Variants in DLG1 observed in about 807,000 individuals in gnomAD.
DLG1 encodes discs large MAGUK scaffold protein 1.
Under a neutral mutation model 123.4 loss-of-function variants are expected in DLG1, and 42 were observed. That is an observed-to-expected ratio of 0.34 (90% CI 0.27 to 0.44). The LOEUF (loss-of-function observed/expected upper bound fraction) is 0.44. Ranked by LOEUF, DLG1 falls within the 20% of genes least tolerant of loss-of-function variation. The pLI, the probability that DLG1 is intolerant of heterozygous loss-of-function variation, is 1.00. For missense variants in DLG1, 942 were observed against 1,082.6 expected (o/e 0.87, Z 1.82); for synonymous variants, 317 against 356.2 (o/e 0.89, Z 1.24).
intron 4 of DLG1, among the ~76,000 whole-genome samples, chr3:197,213,834 T>C (rs531559779): frequency 6.6e-6 from 1 of 152,192 alleles, no homozygotes; most frequent in Non-Finnish European, 1.5e-5. Flanking sequence ...TACAGTTTTA[T>C]TTGGGTGAGT....
At chr3:197,161,703 G>A in intron 5 of DLG1, 1 of 1,578,730 alleles carries the variant, frequency 6.3e-7, no homozygotes. Flanking sequence ...GGATCACAGG[G>A]ACAGTGGGAG....
intron 4 of DLG1, among the ~76,000 whole-genome samples, chr3:197,278,456 G>C (rs898875650): frequency 2.0e-5 from 3 of 151,638 alleles, no homozygotes; most frequent in African/African-American, 7.3e-5. Flanking sequence ...GGGTGACAGA[G>C]TGAGACACAG....
chr3:197,044,840 G>C (rs891211206), intron 24 of DLG1, 111 bp from the exon 25 acceptor site: 1 of 561,376 alleles, frequency 1.8e-6, no homozygotes. Flanking sequence ...ACTCATCCAG[G>C]AAGAATCACC....
intron 4 of DLG1, among the ~76,000 whole-genome samples, chr3:197,255,418 G>A (rs1274181509): frequency 3.9e-5 from 6 of 152,320 alleles, no homozygotes; most frequent in African/African-American, 1.4e-4. Flanking sequence ...TATAAAGTAA[G>A]TGAAAGTGTG....
intron 18 of DLG1, chr3:197,070,564 C>CTTTTTTTTTTTTTTT (rs1491200833): frequency 4.9e-4 from 22 of 44,902 alleles, no homozygotes; most frequent in Non-Finnish European, 7.3e-4. Context: ...CTGGAAATTT[C>CTTTTTTTTTTTTTTT]ATTTTTTTTT....
intron 4 of DLG1, among the ~76,000 whole-genome samples, chr3:197,259,427 CAGAA>C (rs1758349836): frequency 6.6e-6 from 1 of 152,122 alleles, no homozygotes; most frequent in Admixed American, 6.6e-5. Context: ...ATTCATTATA[CAGAA>C]AGAGTAATAG....
At chr3:197,102,789 C>A (rs1764221069) in intron 14 of DLG1, among the ~76,000 whole-genome samples, 2 of 152,086 alleles carry the variant, frequency 1.3e-5, no homozygotes, top group African/African-American at 4.8e-5. Context: ...ACCTGGGAGG[C>A]GGAGGTTACA....
chr3:197,272,043 C>T (rs1036638715), intron 4 of DLG1, among the ~76,000 whole-genome samples: 2 of 152,272 alleles, frequency 1.3e-5, no homozygotes, highest in Non-Finnish European at 2.9e-5. Context: ...ACTATAAGTT[C>T]TCATCCAATT....
intron 23 of DLG1, 59 bp from the exon 24 acceptor site, chr3:197,051,727 A>G: frequency 7.5e-7 from 1 of 1,333,548 alleles, no homozygotes; most frequent in Non-Finnish European, 1.1e-6. Context: ...TAAAAAAAAG[A>G]TGGCAAAGGA....
At chr3:197,195,919 A>G (rs549141463) in intron 4 of DLG1, among the ~76,000 whole-genome samples, 2 of 152,132 alleles carry the variant, frequency 1.3e-5, no homozygotes, top group Non-Finnish European at 2.9e-5. Flanking sequence ...AGAGGAAAAA[A>G]CGCTCAGCTT....
intron 3 of DLG1, among the ~76,000 whole-genome samples, chr3:197,286,370 G>C (rs1394915836): frequency 6.6e-6 from 1 of 152,184 alleles, no homozygotes; most frequent in Non-Finnish European, 1.5e-5. Flanking sequence ...CTTCTGCAGT[G>C]AAACTGTTCC....
chr3:197,288,378 A>G lies in DLG1; in HGVS notation c.152-5533T>C, dbSNP rs567739936. ...ACTCCGTCTCAAAAAAAAAAAAAAA[A>G]AAAAGAAAAGAAAAGGAAAAAAAAA... On this transcript the variant is annotated intron_variant, in intron 3 of 24. Coordinates refer to ENST00000667157, the MANE Select transcript of DLG1 (RefSeq NM_001366207.1). Among the ~76,000 whole-genome samples the G allele has an allele frequency of 3.6e-3, 543 of 149,482 alleles. 5 individuals carry two copies. Among genetic ancestry groups the G allele is most frequent in the African/African-American group, 0.012 (473 of 40,532 alleles).
intron 19 of DLG1, among the ~76,000 whole-genome samples, chr3:197,067,787 C>A (rs1740735718): frequency 6.6e-6 from 1 of 152,106 alleles, no homozygotes; most frequent in African/African-American, 2.4e-5. Flanking sequence ...GAACTCCTGA[C>A]CTCAGGTGAT....
At chr3:197,134,311 C>A (rs895629069) in intron 10 of DLG1, among the ~76,000 whole-genome samples, 1 of 151,914 alleles carries the variant, frequency 6.6e-6, no homozygotes, top group African/African-American at 2.4e-5. Flanking sequence ...TTATATATTG[C>A]TGATGTAAAT....
rs187210719 is a variant in DLG1, at chr3:197,278,800, A to G, written c.318+3879T>C. ...AGATGAAGATTTGCATTTTAAGAGAATAACAGTCAAGGCTTTGTGAAAATT... is the reference window on the plus strand; with the variant it reads ...AGATGAAGATTTGCATTTTAAGAGAGTAACAGTCAAGGCTTTGTGAAAATT... On this transcript the variant is annotated intron_variant, in intron 4 of 24. Transcript: ENST00000667157. Among the ~76,000 whole-genome samples the G allele has an allele frequency of 5.9e-5, 9 of 152,226 alleles. No homozygotes were observed. The East Asian group carries it at 1.3e-3, about 23-fold the overall frequency.
At chr3:197,086,702 G>C (rs189662413) in intron 15 of DLG1, among the ~76,000 whole-genome samples, 1 of 152,258 alleles carries the variant, frequency 6.6e-6, no homozygotes, top group African/African-American at 2.4e-5. Context: ...TGGGGCTAAA[G>C]GTGCTAGGGA....
Position 197,119,501 on chromosome 3 carries a change from T to G in DLG1, c.1195A>C (p.Ser399Arg), listed in dbSNP as rs201300547. Reference protein sequence around the residue: ...SSSQPVDNHVSPSSFLGQTPA... With the variant: ...SSSQPVDNHVRPSSFLGQTPA... ...GTCTGGCCCAAGAAGGAAGATGGGC[T>G]AACATGGTTATCAACAGGCTGAGAA... The change falls in exon 12 of 25, where the codon AGC (serine) becomes CGC (arginine). Residue 399 changes from serine to arginine, a missense_variant. Physicochemically the swap from Ser to Arg is moderately radical, Grantham distance 110. Coordinates refer to ENST00000667157, the MANE Select transcript of DLG1 (RefSeq NM_001366207.1). 116 of 1,611,214 alleles carry G rather than the reference T, an allele frequency of 7.2e-5. 1 individual carries two copies. Among genetic ancestry groups the G allele is most frequent in the Non-Finnish European group, 8.9e-5 (105 of 1,178,128 alleles).
intron 5 of DLG1, among the ~76,000 whole-genome samples, chr3:197,152,419 C>CTTTTTCAAAGTCTT (rs1794348105): frequency 2.1e-5 from 2 of 94,700 alleles, no homozygotes; most frequent in East Asian, 5.3e-4. Flanking sequence ...ATCCCAAAGT[C>CTTTTTCAAAGTCTT]TTTTTTTTTT....
At chr3:197,256,957 A>T (rs936576541) in intron 4 of DLG1, among the ~76,000 whole-genome samples, 2 of 148,446 alleles carry the variant, frequency 1.3e-5, no homozygotes, top group Non-Finnish European at 3.0e-5. Context: ...CAACACAGTA[A>T]TATGATCTAC....
Sources: allele counts gnomAD v4.1 joint callset (sites outside exome capture counted in the v4.1 genomes callset), GRCh38; gene constraint gnomAD v4.1.1; transcripts MANE v1.5; gene names NCBI Gene and HGNC (gene_info 2026-07-23, HGNC 2026-07-21).